The following DCLK1 variants were observed in gnomAD, a reference collection of about 807,000 sequenced individuals.
DCLK1 encodes serine/threonine-protein kinase DCLK1.
In DCLK1, 16 loss-of-function variants were observed where a neutral mutation model predicts 86.2. The observed-to-expected ratio is 0.19, with a 90% CI of 0.13 to 0.28. The LOEUF (loss-of-function observed/expected upper bound fraction) is 0.28, where lower values mean the gene tolerates loss of function less well. DCLK1 is among the 10% of genes least tolerant of loss of function. The pLI is 1.00. For synonymous variants in DCLK1, 369 were observed against 370.5 expected (o/e 1.00, Z 0.05); for missense variants, 590 against 940.2 (o/e 0.63, Z 4.87).
intron 1 of DCLK1, among the ~76,000 whole-genome samples, chr13:36,127,646 G>A (rs1886235161): frequency 6.6e-6 from 1 of 152,148 alleles, no homozygotes; most frequent in Non-Finnish European, 1.5e-5. Flanking sequence ...ATCTGTTTTT[G>A]TGTTCCTGGC....
At chr13:36,077,441 G>A (rs1884252842) in intron 3 of DCLK1, among the ~76,000 whole-genome samples, 1 of 152,134 alleles carries the variant, frequency 6.6e-6, no homozygotes, top group Non-Finnish European at 1.5e-5. Flanking sequence ...AGGCAGTTTG[G>A]CAATTTTTGT....
Position 35,947,380 on chromosome 13 carries a change from A to G in DCLK1, c.801T>C (p.Asp267=), listed in dbSNP as rs773211722. 1.9e-6 allele frequency: 3 copies of G among 1,613,894 alleles called. No homozygotes were observed. The highest frequency in any genetic ancestry group is 2.5e-6 in the Non-Finnish European group (3 of 1,179,890). ...TACCACTTTCATCTAGCAAGAAATC[A>G]TCCTGGTAACGGAACTTCTCCGGTC... ...ACGPEKFRYQ[D]DFLLDESECR... The change falls in exon 4 of 17, where the codon GAT becomes GAC. Residue 267 remains aspartate, a synonymous_variant. Transcript: ENST00000360631.
At chr13:36,107,730 T>C (rs562049012) in intron 3 of DCLK1, among the ~76,000 whole-genome samples, 19 of 152,264 alleles carry the variant, frequency 1.2e-4, no homozygotes, top group Admixed American at 8.5e-4. Flanking sequence ...GAACCACAGA[T>C]TTAGCAGCTC....
chr13:36,051,631 G>T (rs1290336388), intron 3 of DCLK1, among the ~76,000 whole-genome samples: 1 of 151,936 alleles, frequency 6.6e-6, no homozygotes, highest in Admixed American at 6.6e-5. Flanking sequence ...TGTTCATTCA[G>T]TCACTAAATC....
intron 15 of DCLK1, among the ~76,000 whole-genome samples, chr13:35,798,817 G>A (rs1302797471): frequency 6.6e-6 from 1 of 152,202 alleles, no homozygotes; most frequent in Non-Finnish European, 1.5e-5. Context: ...TAAGATGAAT[G>A]TTTACATTTT....
At chr13:35,982,928 A>AT (rs1459130288) in intron 3 of DCLK1, among the ~76,000 whole-genome samples, 2 of 151,432 alleles carry the variant, frequency 1.3e-5, no homozygotes, top group East Asian at 2.0e-4. Context: ...CACCTGGCTA[A>AT]TTTTTTTGAA....
At chr13:36,042,423 A>G (rs1202685768) in intron 3 of DCLK1, among the ~76,000 whole-genome samples, 1 of 152,186 alleles carries the variant, frequency 6.6e-6, no homozygotes, top group East Asian at 1.9e-4. Flanking sequence ...TAGACAGTCA[A>G]AATTGCCCAC....
chr13:36,092,580 G>T (rs1448782636), intron 3 of DCLK1, among the ~76,000 whole-genome samples: 1 of 145,048 alleles, frequency 6.9e-6, no homozygotes, highest in Non-Finnish European at 1.5e-5. Context: ...TCCGCCTCCC[G>T]GGTTCACGCC....
intron 11 of DCLK1, among the ~76,000 whole-genome samples, chr13:35,812,359 G>A (rs568705337): frequency 6.6e-6 from 1 of 152,264 alleles, no homozygotes; most frequent in East Asian, 1.9e-4. Flanking sequence ...AGTTTTCCAT[G>A]TACATCAAAA....
intron 3 of DCLK1, among the ~76,000 whole-genome samples, chr13:36,066,686 A>G (rs547578426): frequency 6.7e-6 from 1 of 149,574 alleles, no homozygotes. Context: ...TGCAGAATCT[A>G]CAATGAACTC....
At chr13:36,099,893 T>C (rs1328382746) in intron 3 of DCLK1, among the ~76,000 whole-genome samples, 1 of 152,180 alleles carries the variant, frequency 6.6e-6, no homozygotes, top group African/African-American at 2.4e-5. Context: ...AGAGGCATCA[T>C]AGCATGATCT....
rs560502677 is a variant in DCLK1 at position 36,106,915 on chromosome 13, T to C, written c.723+4954A>G. On this transcript the variant is annotated intron_variant, in intron 3 of 16. Transcript: ENST00000360631. ...CTAAACCCAAGAGTCGACCAAATTA[T>C]TTTTACTTCAGATTAGAATTAGATA... is the stretch of plus-strand genomic sequence containing the variant. 2.0e-5 allele frequency among the ~76,000 whole-genome samples: 3 copies of C among 152,268 alleles called. No individual in the cohort carries two copies. In the South Asian group the frequency reaches 6.2e-4, roughly 32 times the overall value.
chr13:35,870,362 A>G (rs1872179520), intron 5 of DCLK1, among the ~76,000 whole-genome samples: 1 of 152,086 alleles, frequency 6.6e-6, no homozygotes, highest in Non-Finnish European at 1.5e-5. Context: ...CCCTATTGAG[A>G]GTTCCTTCTT....
intron 3 of DCLK1, among the ~76,000 whole-genome samples, chr13:35,963,020 C>A (rs945457199): frequency 6.6e-6 from 1 of 152,134 alleles, no homozygotes; most frequent in Non-Finnish European, 1.5e-5. Flanking sequence ...AAGATAGAAA[C>A]AAGGAATCAC....
chr13:35,778,640 A>G (rs540689736), intron 16 of DCLK1, among the ~76,000 whole-genome samples: 5 of 152,288 alleles, frequency 3.3e-5, no homozygotes, highest in Non-Finnish European at 7.4e-5. Context: ...CACATTTATA[A>G]TGAATCCCAA....
At chr13:36,105,764 A>C (rs562725637) in intron 3 of DCLK1, among the ~76,000 whole-genome samples, 1 of 152,296 alleles carries the variant, frequency 6.6e-6, no homozygotes, top group East Asian at 1.9e-4. Context: ...ACCACAAGCT[A>C]GATTTTCCAG....
At chr13:35,880,713 GA>G (rs1363899872) in intron 4 of DCLK1, among the ~76,000 whole-genome samples, 4 of 152,166 alleles carry the variant, frequency 2.6e-5, no homozygotes, top group Admixed American at 2.6e-4. Flanking sequence ...ACGTGTCCCA[GA>G]AGGCATCTGT....
At chr13:36,047,379 G>A (rs186349789) in intron 3 of DCLK1, among the ~76,000 whole-genome samples, 50 of 152,272 alleles carry the variant, frequency 3.3e-4, no homozygotes, top group Non-Finnish European at 5.6e-4. Context: ...GCACTTTCAT[G>A]TTCACTGCAG....
chr13:35,915,951 G>A (rs1249715893), intron 4 of DCLK1, among the ~76,000 whole-genome samples: 1 of 152,182 alleles, frequency 6.6e-6, no homozygotes, highest in Non-Finnish European at 1.5e-5. Context: ...AGAAGAATAA[G>A]AGTAAGTATT....
Sources: allele counts gnomAD v4.1 joint callset (sites outside exome capture counted in the v4.1 genomes callset), GRCh38; gene constraint gnomAD v4.1.1; transcripts MANE v1.5; gene names NCBI Gene and HGNC (gene_info 2026-07-23, HGNC 2026-07-21).